Variants in GET1 observed in about 807,000 individuals in gnomAD.
The protein encoded by GET1 is congenital heart disease 5 protein.
In GET1, 20 loss-of-function variants were observed where a neutral mutation model predicts 22.6. That is an observed-to-expected ratio of 0.89 (90% CI 0.62 to 1.29). GET1 has a LOEUF of 1.29. GET1 is among the 50% of genes most tolerant of loss of function. The pLI is 0.00. For missense variants in GET1, 209 were observed against 219.9 expected, an observed-to-expected ratio of 0.95 and a Z score of 0.31; for synonymous variants, 92 against 83.8, an observed-to-expected ratio of 1.10 and a Z score of -0.53.
At chr21:39,390,305 T>G (rs373932259) in intron 1 of GET1, among the ~76,000 whole-genome samples, 3 of 151,960 alleles carry the variant, frequency 2.0e-5, no homozygotes, top group East Asian at 3.9e-4. Context: ...AACGCCAGGG[T>G]GATAAGTCCA....
chr21:39,406,785 A>C, downstream of GET1: 1 of 540,110 alleles, frequency 1.9e-6, no homozygotes, highest in Non-Finnish European at 3.2e-6. Flanking sequence ...CTATTAACAA[A>C]TGTGTTATGT....
intron 1 of GET1, chr21:39,428,165 TCCTTA>T (rs1192075809): frequency 1.3e-6 from 2 of 1,529,440 alleles, no homozygotes; most frequent in African/African-American, 1.4e-5. Context: ...GAAATTTTAC[TCCTTA>T]CCTTTAGATT....
At chr21:39,411,209 G>C (rs992106913), downstream of GET1, 4 of 260,776 alleles carry the variant, frequency 1.5e-5, no homozygotes, top group African/African-American at 9.0e-5. Flanking sequence ...GTTGCCTCGG[G>C]TGAGGTAGGG....
chr21:39,423,135 C>T, intron 1 of GET1: 2 of 1,613,804 alleles, frequency 1.2e-6, no homozygotes, highest in Non-Finnish European at 1.7e-6. Flanking sequence ...CTCTAAGTTT[C>T]CTAGATAGAG....
At chr21:39,403,323 T>C (rs1305261400) in intron 4 of GET1, among the ~76,000 whole-genome samples, 1 of 152,230 alleles carries the variant, frequency 6.6e-6, no homozygotes, top group Non-Finnish European at 1.5e-5. Context: ...TTTGGTTTTA[T>C]TATTTTTTAA....
intron 1 of GET1, among the ~76,000 whole-genome samples, chr21:39,384,020 C>T (rs893506028): frequency 3.3e-5 from 5 of 149,768 alleles, no homozygotes; most frequent in Admixed American, 3.3e-4. Context: ...GGATTACAGG[C>T]GTGAGCCACC....
rs1165619320 is a variant in GET1 at position 39,397,168 on chromosome 21, G to T, written c.*229G>T. The stretch of plus-strand genomic sequence containing the variant: ...CAGTTTATGACACGTATGTACTAGT[G>T]AACACCGTCCTCGATCTGTACGAAA... On this transcript the variant is annotated 3_prime_UTR_variant, in exon 5 of 5. Transcript: ENST00000649170. 1 of 563,792 alleles carries T rather than the reference G, an allele frequency of 1.8e-6. No homozygotes were observed. The highest frequency in any genetic ancestry group is 2.1e-5 in the South Asian group (1 of 47,416). 34.9% of individuals were successfully genotyped at this position (563,792 alleles called of 1,614,324 possible).
intron 1 of GET1, among the ~76,000 whole-genome samples, chr21:39,383,372 C>G (rs1028504166): frequency 2.0e-5 from 3 of 151,856 alleles, no homozygotes; most frequent in East Asian, 1.9e-4. Context: ...ACCTCTGCCC[C>G]CCGAGTTCAA....
exon 5 of GET1, chr21:39,406,597 T>C (rs1221093606): frequency 6.3e-7 from 1 of 1,581,350 alleles, no homozygotes; most frequent in Non-Finnish European, 8.6e-7. Flanking sequence ...CAAATGTTTC[T>C]CTTCCCCTGA....
downstream of GET1, chr21:39,410,339 G>C (rs983119747): frequency 6.2e-7 from 1 of 1,607,984 alleles, no homozygotes; most frequent in African/African-American, 1.3e-5. Context: ...AAATTTTTCT[G>C]TCTGCTTGGA....
exon 2 of GET1, chr21:39,428,377 T>A: frequency 2.5e-6 from 4 of 1,613,572 alleles, no homozygotes; most frequent in Non-Finnish European, 3.4e-6. Flanking sequence ...TACTGTTCCG[T>A]GAAAAATCGC....
intron 1 of GET1, chr21:39,420,571 GC>G: frequency 1.9e-6 from 1 of 538,906 alleles, no homozygotes; most frequent in Non-Finnish European, 3.0e-6. Context: ...GGGGGCCCAG[GC>G]CCCCTACAAA....
chr21:39,384,384 G>C (rs2037753011), intron 1 of GET1, among the ~76,000 whole-genome samples: 1 of 151,820 alleles, frequency 6.6e-6, no homozygotes, highest in African/African-American at 2.4e-5. Flanking sequence ...AGCCTCCCGA[G>C]TAGCTGGGAT....
rs76454102 is a variant in GET1 at position 39,391,895 on chromosome 21, C to T, written c.336+59C>T. On this transcript the variant is annotated intron_variant, in intron 3 of 4. Coordinates refer to ENST00000649170, the MANE Select transcript of GET1 (RefSeq NM_004627.6). ...AGTTGGTGACCCCGGCCTCCAGAGC[C>T]GTGTCTGCAGATCCAGGGCTGGGAG... is the stretch of plus-strand genomic sequence containing the variant. 2.4e-3 allele frequency: 3,803 copies of T among 1,557,274 alleles called. 69 individuals are homozygous for T. In the African/African-American group the frequency reaches 0.044, roughly 18 times the overall value.
At chr21:39,396,425 G>C (rs1285618209) in intron 4 of GET1, among the ~76,000 whole-genome samples, 3 of 152,166 alleles carry the variant, frequency 2.0e-5, no homozygotes, top group Admixed American at 6.5e-5. Context: ...CTACTCGGGA[G>C]GCTGAGGCAG....
chr21:39,383,042 C>G (rs888424144), intron 1 of GET1, among the ~76,000 whole-genome samples: 1 of 151,754 alleles, frequency 6.6e-6, no homozygotes, highest in African/African-American at 2.4e-5. Context: ...GCTCCGCCTC[C>G]CGGGTTCACA....
chr21:39,380,935 G>GGGGCA, intron 1 of GET1: 15 of 187,942 alleles, frequency 8.0e-5, no homozygotes, highest in East Asian at 2.0e-4. Flanking sequence ...GGTAGGGTGG[G>GGGGCA]AGACAGGTGT....
chr21:39,417,372 T>A (rs2041393498), intron 1 of GET1, among the ~76,000 whole-genome samples: 2 of 152,198 alleles, frequency 1.3e-5, no homozygotes, highest in South Asian at 4.1e-4. Context: ...TAATTCTGCT[T>A]TGTACTTATG....
intron 1 of GET1, among the ~76,000 whole-genome samples, chr21:39,385,669 G>C (rs1045194989): frequency 2.6e-5 from 4 of 151,236 alleles, no homozygotes; most frequent in Admixed American, 2.6e-4. Context: ...GGGGGCTGAG[G>C]GTCCATGCGA....
Sources: gnomAD v4.1 joint callset for allele counts (sites outside exome capture counted in the v4.1 genomes callset) on GRCh38, gnomAD v4.1.1 for gene constraint, MANE v1.5 for transcripts, NCBI Gene and HGNC (gene_info 2026-07-23, HGNC 2026-07-21) for gene names.